STAG1: variants seen among roughly 807,000 people sequenced by gnomAD.
STAG1 encodes cohesin subunit SA-1.
STAG1 carries 26 observed loss-of-function variants against 170.9 expected under a neutral mutation model. The observed-to-expected ratio is 0.15, with a 90% confidence interval of 0.11 to 0.21. The LOEUF is 0.21. Ranked by LOEUF, STAG1 falls within the 10% of genes least tolerant of loss-of-function variation. STAG1 has a pLI of 1.00. For missense variants in STAG1, 964 were observed against 1,509.5 expected (o/e 0.64, Z 5.99); for synonymous variants, 514 against 497.7 (o/e 1.03, Z -0.44).
rs1016921456 is a variant in STAG1 at position 136,525,228 on chromosome 3, A to G, written c.472-3811T>C. 3.9e-5 allele frequency among the ~76,000 whole-genome samples: 6 copies of G among 151,986 alleles called. No individual in the cohort carries two copies. In the South Asian group the frequency reaches 1.3e-3, roughly 32 times the overall value. The stretch of plus-strand genomic sequence containing the variant: ...TGGCTGTGAATCCATCTCGTCCTGG[A>G]CTTTTTTTGGTTGGTAGGCTATTAA... On this transcript the variant is annotated intron_variant, in intron 6 of 33. Transcript: ENST00000383202.
At chr3:136,550,549 C>T (rs913051066) in intron 5 of STAG1, among the ~76,000 whole-genome samples, 1 of 152,098 alleles carries the variant, frequency 6.6e-6, no homozygotes, top group Admixed American at 6.5e-5. Context: ...CCTTGTGATC[C>T]ACCTGCCTCA....
intron 26 of STAG1, among the ~76,000 whole-genome samples, chr3:136,360,606 G>C (rs1282976921): frequency 6.6e-6 from 1 of 152,162 alleles, no homozygotes; most frequent in Non-Finnish European, 1.5e-5. Context: ...TGAACTACTT[G>C]CTATGTCATT....
chr3:136,430,340 C>T (rs1388915494), intron 16 of STAG1, among the ~76,000 whole-genome samples: 1 of 152,108 alleles, frequency 6.6e-6, no homozygotes, highest in Non-Finnish European at 1.5e-5. Context: ...TGAATGATTA[C>T]TGTAGGGATT....
intron 4 of STAG1, among the ~76,000 whole-genome samples, chr3:136,583,780 C>T (rs925898887): frequency 2.0e-5 from 3 of 152,148 alleles, no homozygotes; most frequent in Admixed American, 2.0e-4. Context: ...TAGAATGAGA[C>T]ACTGTCTCTC....
intron 1 of STAG1, among the ~76,000 whole-genome samples, chr3:136,733,254 T>C (rs547164480): frequency 6.6e-6 from 1 of 151,886 alleles, no homozygotes; most frequent in South Asian, 2.1e-4. Flanking sequence ...CTGGCTAATT[T>C]TTGTATTTTT....
chr3:136,435,964 A>G (rs950128212), intron 15 of STAG1, among the ~76,000 whole-genome samples: 8 of 151,650 alleles, frequency 5.3e-5, no homozygotes, highest in Admixed American at 5.3e-4. Context: ...CACTGCACCC[A>G]GCCTGTTTTT....
chr3:136,521,329 C>A lies in STAG1; in HGVS notation c.560G>T (p.Arg187Leu). The change falls in exon 7 of 34, where the codon CGA (arginine) becomes CTA (leucine). Residue 187 changes from arginine to leucine, a missense_variant. Physicochemically the swap from Arg to Leu is moderately radical, Grantham distance 102 (BLOSUM62 -2). Around this residue, in one of 11 missense-constraint regions of STAG1, gnomAD observed 40 missense variants for 44.1 expected, o/e 0.91. Transcript: ENST00000383202. ...ATAAATTATGCTATACTGACACTGT[C>A]GAATCAGGACTCCAATAAATTCACA... ...NFCEFIGVLI[R>L]QCQYSIIYDE... 1 of 1,613,660 alleles carries A rather than the reference C, an allele frequency of 6.2e-7. No individual in the cohort carries two copies. The highest frequency in any genetic ancestry group is 8.5e-7 in the Non-Finnish European group (1 of 1,179,748).
In STAG1 at chr3:136,404,231, T is replaced by C. The variant is rs560383479; in HGVS notation, c.2197-5402A>G. Among the ~76,000 whole-genome samples, 15 of 152,322 alleles carry C rather than the reference T, an allele frequency of 9.8e-5. 1 individual carries two copies. In the South Asian group the frequency reaches 2.5e-3, roughly 25 times the overall value. ...TCTTTCTGCCTTGGATTAACATTGC[T>C]CTGAGCCTGGAGAGGATCATCAAAT... On this transcript the variant is annotated intron_variant, in intron 21 of 33. Coordinates refer to ENST00000383202, the MANE Select transcript of STAG1 (RefSeq NM_005862.3).
At chr3:136,393,768 G>C (rs1044936430) in intron 22 of STAG1, among the ~76,000 whole-genome samples, 1 of 151,896 alleles carries the variant, frequency 6.6e-6, no homozygotes, top group Non-Finnish European at 1.5e-5. Context: ...GCTAATTTTT[G>C]TATTTTTAGT....
At chr3:136,664,190 A>G (rs1941676993) in intron 1 of STAG1, among the ~76,000 whole-genome samples, 2 of 152,350 alleles carry the variant, frequency 1.3e-5, no homozygotes, top group South Asian at 2.1e-4. Flanking sequence ...TGGAATGCAT[A>G]TAACAGAAAA....
chr3:136,362,732 T>C (rs1348279135), intron 26 of STAG1, among the ~76,000 whole-genome samples: 1 of 151,996 alleles, frequency 6.6e-6, no homozygotes, highest in Non-Finnish European at 1.5e-5. Flanking sequence ...TTATAAACCC[T>C]TATTTTTGTC....
intron 4 of STAG1, among the ~76,000 whole-genome samples, chr3:136,587,573 C>CT (rs1398537687): frequency 6.8e-6 from 1 of 146,204 alleles, no homozygotes; most frequent in Non-Finnish European, 1.5e-5. Context: ...CAATTTATAG[C>CT]TTTTGACCCA....
chr3:136,393,559 G>A (rs1003198220), intron 22 of STAG1, among the ~76,000 whole-genome samples: 1 of 149,162 alleles, frequency 6.7e-6, no homozygotes, highest in Non-Finnish European at 1.5e-5. Flanking sequence ...ATAAGGTAAT[G>A]ACAACAACAA....
rs778676090 is a variant in STAG1 at position 136,521,220 on chromosome 3, G to T, written c.669C>A (p.Thr223=). Reference sequence around the variant, plus strand: ...AAAATGTTAATTACTTACCAGCCAGGGTACTTGTATGCCTAAAAGCTCTGA... The same window carrying T: ...AAAATGTTAATTACTTACCAGCCAGTGTACTTGTATGCCTAAAAGCTCTGA... ...SQVRAFRHTS[T]LAAMKLMTAL... is the part of the protein sequence containing the mutation. Residue 223 remains threonine (T), a synonymous_variant, in exon 7 of 34, where the codon ACC becomes ACA. Coordinates refer to ENST00000383202, the MANE Select transcript of STAG1 (RefSeq NM_005862.3). 1.2e-6 allele frequency: 2 copies of T among 1,612,998 alleles called. No individual in the cohort carries two copies. The highest frequency in any genetic ancestry group is 3.3e-5 in the Admixed American group (2 of 59,912).
At chr3:136,545,358 G>A (rs911120681) in intron 5 of STAG1, among the ~76,000 whole-genome samples, 3 of 152,222 alleles carry the variant, frequency 2.0e-5, no homozygotes, top group Non-Finnish European at 2.9e-5. Flanking sequence ...GTGAGCCACC[G>A]TGCCTGGCCA....
At position 136,343,866 on chromosome 3, in the gene STAG1, A is replaced by T. The variant is rs368883876; in HGVS notation, c.3412T>A (p.Ser1138Thr). The T allele has an allele frequency of 1.2e-4, 195 of 1,597,018 alleles. No homozygotes were observed. Among genetic ancestry groups the T allele is most frequent in the Non-Finnish European group, 1.3e-4 (156 of 1,172,636 alleles). ...AAGTCTGGTTCAGAACCATGTTCAG[A>T]CTCAGGTTCTTGAATCTGGTCTCCC... ...PMGDQIQEPESEHGSEPDFLH... is the reference protein window; with the variant it reads ...PMGDQIQEPETEHGSEPDFLH... The change falls in exon 30 of 34, where the codon TCT becomes ACT. Residue 1138 changes from serine (S) to threonine (T), a missense_variant. Coordinates refer to ENST00000383202, the MANE Select transcript of STAG1 (RefSeq NM_005862.3).
chr3:136,541,582 A>ACACACACACACACACACACACACACC (rs1283802944), intron 6 of STAG1, among the ~76,000 whole-genome samples: 19 of 150,064 alleles, frequency 1.3e-4, no homozygotes, highest in Non-Finnish European at 7.4e-5. Context: ...ACACACACAC[A>ACACACACACACACACACACACACACC]CACCAGGGGT....
At chr3:136,369,038 GT>G (rs1444868420) in intron 24 of STAG1, 69 bp downstream of exon 24, 41 of 1,324,528 alleles carry the variant, frequency 3.1e-5, no homozygotes, top group Non-Finnish European at 3.7e-5. Context: ...AACTGAATTT[GT>G]TTCTTTTCTC....
At chr3:136,492,462 T>C (rs2090141364) in intron 9 of STAG1, among the ~76,000 whole-genome samples, 1 of 152,218 alleles carries the variant, frequency 6.6e-6, no homozygotes, top group Non-Finnish European at 1.5e-5. Flanking sequence ...ATATGGATTC[T>C]GAATTCAAGA....
Sources: allele counts gnomAD v4.1 joint callset (sites outside exome capture counted in the v4.1 genomes callset), GRCh38; gene constraint gnomAD v4.1.1; regional missense constraint gnomAD v4.1.1; transcripts MANE v1.5; gene names NCBI Gene and HGNC (gene_info 2026-07-23, HGNC 2026-07-21).